The following TAB1 variants were observed in gnomAD, a reference collection of about 807,000 sequenced individuals.
TAB1 encodes the protein TGF-beta activated kinase 1 (MAP3K7) binding protein 1.
Under a neutral mutation model 54.5 loss-of-function variants are expected in TAB1, and 30 were observed. That is an observed-to-expected ratio of 0.55 (90% CI 0.41 to 0.75). The LOEUF is 0.75. Among genes scored for constraint, TAB1 ranks in the 30% least tolerant of loss-of-function variants. The pLI, the probability that TAB1 is intolerant of heterozygous loss-of-function variation, is 0.00. For missense variants in TAB1, 609 were observed against 683.2 expected (o/e 0.89, Z 1.21); for synonymous variants, 289 against 286.9 (o/e 1.01, Z -0.07).
intron 1 of TAB1, 144 bp downstream of exon 1, chr22:39,399,979 C>T: frequency 1.0e-6 from 1 of 959,858 alleles, no homozygotes; most frequent in Non-Finnish European, 1.5e-6. Context: ...TCTCCTCGGG[C>T]TGGCCCCCTC....
chr22:39,403,739 C>T (rs1012890964), intron 1 of TAB1, among the ~76,000 whole-genome samples: 2 of 151,204 alleles, frequency 1.3e-5, no homozygotes, highest in South Asian at 2.1e-4. Context: ...CCCAGGTTCA[C>T]GCCATTCTCC....
intron 7 of TAB1, 114 bp downstream of exon 7, chr22:39,419,744 G>T: frequency 3.3e-6 from 2 of 614,564 alleles, no homozygotes; most frequent in East Asian, 3.1e-5. Flanking sequence ...CCGTGATCAT[G>T]CCACTGCACT....
At chr22:39,417,907 C>A in intron 5 of TAB1, 58 bp downstream of exon 5, 1 of 1,536,252 alleles carries the variant, frequency 6.5e-7, no homozygotes, top group South Asian at 1.3e-5. Flanking sequence ...CCACAGGGGT[C>A]GGTGCATTAT....
At chr22:39,420,408 A>G (rs962734756) in intron 7 of TAB1, among the ~76,000 whole-genome samples, 1 of 152,088 alleles carries the variant, frequency 6.6e-6, no homozygotes, top group African/African-American at 2.4e-5. Flanking sequence ...TTGGTTGGGG[A>G]GATAGGCGCG....
chr22:39,400,928 G>A (rs1409195732), intron 1 of TAB1, among the ~76,000 whole-genome samples: 1 of 151,578 alleles, frequency 6.6e-6, no homozygotes, highest in Non-Finnish European at 1.5e-5. Flanking sequence ...AACTATTCGG[G>A]AGGCTGAGGC....
chr22:39,417,641 A>T, intron 4 of TAB1, 70 bp from the exon 5 acceptor site: 4 of 1,428,418 alleles, frequency 2.8e-6, no homozygotes, highest in Non-Finnish European at 3.7e-6. Flanking sequence ...AAAAGAGTAA[A>T]GGGAGTGGAG....
rs751964042 is a variant in TAB1 at position 39,428,130 on chromosome 22, C to A, written c.1254C>A (p.Val418=). 5.0e-6 allele frequency: 8 copies of A among 1,613,608 alleles called. No homozygotes were observed. Among genetic ancestry groups the A allele is most frequent in the African/African-American group, 1.3e-5 (1 of 74,944 alleles). The change falls in exon 10 of 11, where the codon GTC becomes GTA. Residue 418 remains valine, a synonymous_variant. Coordinates refer to ENST00000216160, the MANE Select transcript of TAB1 (RefSeq NM_006116.3). ...TCATGCCCTCCCAGGGCCAGATGGT[C>A]AACGGGGCTCACAGTGCTTCCACCC... ...SLVMPSQGQM[V]NGAHSASTLD... is the part of the protein sequence containing the mutation.
chr22:39,412,338 C>T (rs896365134), intron 1 of TAB1, among the ~76,000 whole-genome samples: 1 of 152,162 alleles, frequency 6.6e-6, no homozygotes, highest in South Asian at 2.1e-4. Flanking sequence ...CTGCACCTGG[C>T]GTTTAATATG....
intron 1 of TAB1, among the ~76,000 whole-genome samples, chr22:39,402,706 C>T (rs980273829): frequency 3.9e-5 from 6 of 152,114 alleles, no homozygotes; most frequent in Middle Eastern, 3.2e-3. Flanking sequence ...GTGTGCACCA[C>T]CACACCAGCT....
chr22:39,414,394 T>G (rs537087312), intron 1 of TAB1, among the ~76,000 whole-genome samples: 1 of 152,274 alleles, frequency 6.6e-6, no homozygotes, highest in Non-Finnish European at 1.5e-5. Flanking sequence ...GCTCATAAAC[T>G]CCGACTTAAA....
chr22:39,424,358 C>G (rs1046396902), intron 8 of TAB1, among the ~76,000 whole-genome samples: 1 of 151,870 alleles, frequency 6.6e-6, no homozygotes, highest in Non-Finnish European at 1.5e-5. Context: ...GGTAGATGCC[C>G]AGACTGCTGG....
chr22:39,430,134 G>A lies in TAB1; in HGVS notation c.1427G>A (p.Gly476Asp). ...PAHSLPPGED[G>D]RVEPYVDFAE... Reference sequence around the variant, plus strand: ...CACTCGCTCCCGCCTGGCGAGGACGGTCGTGTTGAGCCCTATGTGGACTTT... The same window carrying A: ...CACTCGCTCCCGCCTGGCGAGGACGATCGTGTTGAGCCCTATGTGGACTTT... Residue 476 changes from glycine to aspartate, a missense_variant, in exon 11 of 11, where the codon GGT becomes GAT. By Grantham distance (94) the Gly-to-Asp change is moderately conservative. Transcript: ENST00000216160. The A allele has an allele frequency of 6.2e-7, 1 of 1,614,024 alleles. No homozygotes were observed. Among genetic ancestry groups the A allele is most frequent in the Non-Finnish European group, 8.5e-7 (1 of 1,180,044 alleles).
In TAB1 at chr22:39,415,555, G is replaced by C; in HGVS notation, c.226G>C (p.Val76Leu). ...GVFNGYDGNR[V>L]TNFVAQRLSA... ...CTTCAACGGCTATGATGGCAACCGA[G>C]TGACCAACTTCGTGGCCCAGCGGCT... Residue 76 changes from valine to leucine, a missense_variant, in exon 3 of 11, where the codon GTG (valine) becomes CTG (leucine). Physicochemically the swap from Val to Leu is conservative, Grantham distance 32 (BLOSUM62 1). Coordinates refer to ENST00000216160, the MANE Select transcript of TAB1 (RefSeq NM_006116.3). The surrounding 1 kb of genome is among the most constrained non-coding windows in gnomAD (Gnocchi z 4.9). 2 of 1,614,234 alleles carry C rather than the reference G, an allele frequency of 1.2e-6. No individual in the cohort carries two copies. The highest frequency in any genetic ancestry group is 2.2e-5 in the South Asian group (2 of 91,090).
At chr22:39,420,702 C>A (rs1927032117) in intron 7 of TAB1, among the ~76,000 whole-genome samples, 1 of 152,046 alleles carries the variant, frequency 6.6e-6, no homozygotes, top group South Asian at 2.1e-4. Flanking sequence ...TCGCTGCCTC[C>A]CCAGAGGCTG....
chr22:39,426,694 C>T lies in TAB1; in HGVS notation c.922-9C>T, dbSNP rs201120289. The T allele has an allele frequency of 3.1e-6, 5 of 1,592,004 alleles. No homozygotes were observed. The highest frequency in any genetic ancestry group is 1.3e-5 in the African/African-American group (1 of 74,774). ...TTCCTTACCAGGTTCTTCCTACCCC[C>T]TCCCCCAGGAGATTGCTGCGATGAT... On this transcript the variant is annotated splice_polypyrimidine_tract_variant and intron_variant, in intron 8 of 10. Coordinates refer to ENST00000216160, the MANE Select transcript of TAB1 (RefSeq NM_006116.3).
At chr22:39,411,937 A>T (rs944800142) in intron 1 of TAB1, among the ~76,000 whole-genome samples, 1 of 152,236 alleles carries the variant, frequency 6.6e-6, no homozygotes, top group Non-Finnish European at 1.5e-5. Context: ...AACAACTTGG[A>T]TGAGTCTTAG....
At chr22:39,412,079 C>T (rs1310378338) in intron 1 of TAB1, among the ~76,000 whole-genome samples, 2 of 152,134 alleles carry the variant, frequency 1.3e-5, no homozygotes, top group Non-Finnish European at 2.9e-5. Flanking sequence ...ACTCCGTCGC[C>T]CAGGCTGGAG....
chr22:39,414,751 T>G, intron 1 of TAB1: 1 of 475,088 alleles, frequency 2.1e-6, no homozygotes, highest in Non-Finnish European at 3.8e-6. Context: ...CTCCTGGAGG[T>G]CATTGCTGCG....
intron 8 of TAB1, among the ~76,000 whole-genome samples, chr22:39,423,656 T>G (rs956231795): frequency 2.0e-5 from 3 of 152,182 alleles, no homozygotes; most frequent in Non-Finnish European, 4.4e-5. Flanking sequence ...ATTTGAAAAT[T>G]AATTTTTATT....
Sources: allele counts gnomAD v4.1 joint callset (sites outside exome capture counted in the v4.1 genomes callset), GRCh38; gene constraint gnomAD v4.1.1; non-coding constraint Gnocchi (gnomAD v3.1); transcripts MANE v1.5; gene names NCBI Gene and HGNC (gene_info 2026-07-23, HGNC 2026-07-21).